SDK1: variants seen among roughly 807,000 people sequenced by gnomAD.
SDK1 encodes protein sidekick-1.
SDK1 carries 157 observed loss-of-function variants against 245.5 expected under a neutral mutation model. That is an observed-to-expected ratio of 0.64 (90% confidence interval 0.56 to 0.73). The LOEUF is 0.73. Ranked by LOEUF, SDK1 falls within the 30% of genes least tolerant of loss-of-function variation. The pLI is 0.00. For synonymous variants in SDK1, 1,647 were observed against 1,278.5 expected, an observed-to-expected ratio of 1.29 and a Z score of -6.15; for missense variants, 3,583 against 3,002.3, an observed-to-expected ratio of 1.19 and a Z score of -4.52.
At chr7:3,871,366 A>G (rs901522092) in intron 5 of SDK1, among the ~76,000 whole-genome samples, 3 of 152,184 alleles carry the variant, frequency 2.0e-5, no homozygotes, top group Admixed American at 6.5e-5. Flanking sequence ...CTGTGAATAG[A>G]GAGAATTGTA....
chr7:3,394,717 C>A (rs1439504400), intron 1 of SDK1, among the ~76,000 whole-genome samples: 1 of 151,914 alleles, frequency 6.6e-6, no homozygotes, highest in African/African-American at 2.4e-5. Context: ...TTTTACAGTA[C>A]AAGTCTTGTT....
rs574179664 is a variant in SDK1, at chr7:4,122,738, G to A, written c.3824-4643G>A. 7.0e-4 allele frequency among the ~76,000 whole-genome samples: 106 copies of A among 152,298 alleles called. 1 individual carries two copies. The highest frequency in any genetic ancestry group is 2.5e-3 in the African/African-American group (102 of 41,558). On this transcript the variant is annotated intron_variant, in intron 25 of 44. Coordinates refer to ENST00000404826, the MANE Select transcript of SDK1 (RefSeq NM_152744.4). ...GAAGGAGAAAAGAAGCCATGGAATGGCTTTGTTTTTAATGAAAGGGGAATT... is the reference window on the plus strand; with the variant it reads ...GAAGGAGAAAAGAAGCCATGGAATGACTTTGTTTTTAATGAAAGGGGAATT...
At chr7:3,918,155 G>A (rs937017750) in intron 5 of SDK1, among the ~76,000 whole-genome samples, 1 of 152,264 alleles carries the variant, frequency 6.6e-6, no homozygotes, top group South Asian at 2.1e-4. Flanking sequence ...GGAATCTGGG[G>A]GTAGCATGGG....
chr7:4,264,584 G>A (rs553111345), intron 44 of SDK1, among the ~76,000 whole-genome samples: 1 of 148,246 alleles, frequency 6.7e-6, no homozygotes, highest in Non-Finnish European at 1.5e-5. Context: ...TCCTGAGTGG[G>A]GAGGCCGCGT....
rs562300537 is a variant in SDK1, at chr7:3,347,121, C to T, written c.298+45237C>T. On this transcript the variant is annotated intron_variant, in intron 1 of 44. Transcript: ENST00000404826. Reference sequence around the variant, plus strand: ...TTGGTTGCCCATGCCATTCCCTCTGCTTGCTTTCACTGCCTCTTGCATCCA... The same window carrying T: ...TTGGTTGCCCATGCCATTCCCTCTGTTTGCTTTCACTGCCTCTTGCATCCA... Among the ~76,000 whole-genome samples, 3 of 151,830 alleles carry T rather than the reference C, an allele frequency of 2.0e-5. No individual in the cohort carries two copies. In the South Asian group the frequency reaches 6.2e-4, roughly 32 times the overall value.
intron 1 of SDK1, among the ~76,000 whole-genome samples, chr7:3,552,417 T>G (rs1779448646): frequency 6.6e-6 from 1 of 152,206 alleles, no homozygotes; most frequent in East Asian, 1.9e-4. Context: ...GAATGAATGC[T>G]CACTCAGCCA....
At chr7:3,461,487 G>A (rs1780829465) in intron 1 of SDK1, among the ~76,000 whole-genome samples, 3 of 152,138 alleles carry the variant, frequency 2.0e-5, no homozygotes. Context: ...GAAATGATGT[G>A]AAGAAAAGAA....
chr7:3,589,409 G>C (rs117747569), intron 1 of SDK1, among the ~76,000 whole-genome samples: 1,888 of 152,294 alleles, frequency 0.012, 10 homozygotes, highest in Non-Finnish European at 0.019. Flanking sequence ...CTCTTCCCGT[G>C]CACCAGCACC....
chr7:3,444,110 C>A lies in SDK1; in HGVS notation c.298+142226C>A, dbSNP rs112972593. ...CTTCTTTACCTTACGTTGCTGTTTC[C>A]CTTTTTACTTCTTTCCCTGGAAAGG... On this transcript the variant is annotated intron_variant, in intron 1 of 44. Coordinates refer to ENST00000404826, the MANE Select transcript of SDK1 (RefSeq NM_152744.4). 1.8e-3 allele frequency among the ~76,000 whole-genome samples: 277 copies of A among 152,320 alleles called. 1 individual carries two copies. The highest frequency in any genetic ancestry group is 6.4e-3 in the African/African-American group (264 of 41,574).
intron 1 of SDK1, among the ~76,000 whole-genome samples, chr7:3,344,324 C>T (rs1018490122): frequency 1.3e-5 from 2 of 152,302 alleles, no homozygotes; most frequent in Non-Finnish European, 1.5e-5. Flanking sequence ...TTCACATTGT[C>T]GTGCATCTAG....
chr7:4,051,537 G>A, intron 18 of SDK1, 101 bp from the exon 19 acceptor site: 2 of 1,013,718 alleles, frequency 2.0e-6, no homozygotes, highest in Non-Finnish European at 2.9e-6. Flanking sequence ...TCTTAATTAT[G>A]ACTTTACATT....
At chr7:3,371,249 C>T (rs1781219905) in intron 1 of SDK1, among the ~76,000 whole-genome samples, 2 of 150,122 alleles carry the variant, frequency 1.3e-5, no homozygotes, top group South Asian at 4.4e-4. Context: ...TTTAGTGGAT[C>T]TTGAGGAAAC....
At chr7:3,703,404 C>G (rs1784793189) in intron 4 of SDK1, among the ~76,000 whole-genome samples, 1 of 152,150 alleles carries the variant, frequency 6.6e-6, no homozygotes, top group Non-Finnish European at 1.5e-5. Flanking sequence ...GTAACATTCT[C>G]AAAATGAGAA....
At chr7:4,080,241 G>A (rs1042190788) in intron 22 of SDK1, among the ~76,000 whole-genome samples, 4 of 152,118 alleles carry the variant, frequency 2.6e-5, no homozygotes, top group Non-Finnish European at 5.9e-5. Flanking sequence ...GGACTCCGCC[G>A]AGAGACTTCC....
chr7:3,864,236 A>G (rs1390101226), intron 5 of SDK1, among the ~76,000 whole-genome samples: 1 of 152,182 alleles, frequency 6.6e-6, no homozygotes, highest in Non-Finnish European at 1.5e-5. Flanking sequence ...AATTGTGTTT[A>G]TGTCAATTTG....
At position 3,556,585 on chromosome 7, in the gene SDK1, C is replaced by T. The variant is rs1038792748; in HGVS notation, c.299-62495C>T. Among the ~76,000 whole-genome samples the T allele has an allele frequency of 2.0e-5, 3 of 151,980 alleles. No homozygotes were observed. The East Asian group carries it at 5.8e-4, about 29-fold the overall frequency. On this transcript the variant is annotated intron_variant, in intron 1 of 44. Transcript: ENST00000404826. ...CTTGTAATCCCAGCACTTTGGGAGGCTGAGGCAGGCTGATTATCTCAGGTC... is the reference window on the plus strand; with the variant it reads ...CTTGTAATCCCAGCACTTTGGGAGGTTGAGGCAGGCTGATTATCTCAGGTC...
In SDK1 at chr7:4,199,063, C is replaced by T. The variant is rs182818922; in HGVS notation, c.5099-6816C>T. ...CTCCTGACTTCAGGTGATCCACCCTCCTCGGCCTCCCAAAGTGCTGGGATT... is the reference window on the plus strand; with the variant it reads ...CTCCTGACTTCAGGTGATCCACCCTTCTCGGCCTCCCAAAGTGCTGGGATT... On this transcript the variant is annotated intron_variant, in intron 35 of 44. Coordinates refer to ENST00000404826, the MANE Select transcript of SDK1 (RefSeq NM_152744.4). Among the ~76,000 whole-genome samples the T allele has an allele frequency of 9.8e-5, 15 of 152,298 alleles. No homozygotes were observed. The East Asian group carries it at 2.9e-3, about 29-fold the overall frequency.
chr7:4,113,481 T>C, intron 24 of SDK1, 42 bp downstream of exon 24: 1 of 1,606,186 alleles, frequency 6.2e-7, no homozygotes. Context: ...ACACGGGTCC[T>C]GAGTGAGCCA....
chr7:4,082,099 G>C (rs1781095607), intron 22 of SDK1, among the ~76,000 whole-genome samples: 1 of 152,278 alleles, frequency 6.6e-6, no homozygotes, highest in African/African-American at 2.4e-5. Context: ...GACCCTTGTG[G>C]TTACTTACCG....
Sources: gnomAD v4.1 joint callset for allele counts (sites outside exome capture counted in the v4.1 genomes callset) on GRCh38, gnomAD v4.1.1 for gene constraint, MANE v1.5 for transcripts, NCBI Gene and HGNC (gene_info 2026-07-23, HGNC 2026-07-21) for gene names.